ZMAT4: variants seen among roughly 807,000 people sequenced by gnomAD.
The protein encoded by ZMAT4 is zinc finger matrin-type protein 4.
A neutral mutation model predicts 28.7 loss-of-function variants in ZMAT4; 17 were observed. The observed-to-expected ratio is 0.59, with a 90% CI of 0.41 to 0.89. The LOEUF (loss-of-function observed/expected upper bound fraction) is 0.89. ZMAT4 is among the 40% of genes least tolerant of loss of function. The pLI is 0.00. For missense variants in ZMAT4, 240 were observed against 283.8 expected (o/e 0.85, Z 1.11); for synonymous variants, 117 against 109.2 (o/e 1.07, Z -0.44).
chr8:40,664,263 T>C (rs1808313664), intron 5 of ZMAT4, among the ~76,000 whole-genome samples: 1 of 152,166 alleles, frequency 6.6e-6, no homozygotes, highest in Admixed American at 6.5e-5. Context: ...ACAACACCAG[T>C]ACATTCAAAA....
intron 5 of ZMAT4, among the ~76,000 whole-genome samples, chr8:40,641,735 AATTTTTAAGTATACAATACAGT>A (rs937656429): frequency 1.1e-4 from 16 of 152,164 alleles, no homozygotes; most frequent in South Asian, 2.1e-4. Context: ...CTTCTTAGCA[AATTTTTAAGTATACAATACAGT>A]ATTTTTAAGT....
intron 3 of ZMAT4, among the ~76,000 whole-genome samples, chr8:40,709,699 T>C (rs1810517475): frequency 1.3e-5 from 2 of 152,154 alleles, no homozygotes; most frequent in Admixed American, 6.6e-5. Context: ...GAATGTAAGA[T>C]TGATTTTAAT....
intron 1 of ZMAT4, among the ~76,000 whole-genome samples, chr8:40,849,062 A>T (rs1213425770): frequency 6.6e-6 from 1 of 152,196 alleles, no homozygotes; most frequent in African/African-American, 2.4e-5. Context: ...GTGCCGTCCC[A>T]TCCCATGCCA....
chr8:40,836,795 T>C lies in ZMAT4; in HGVS notation c.-4-11115A>G, dbSNP rs1349282092. Reference sequence around the variant, plus strand: ...ACAGAAGGGATGAGAGAGAAACACATGGACAGATGTAAGCGGTTGCCAGAT... The same window carrying C: ...ACAGAAGGGATGAGAGAGAAACACACGGACAGATGTAAGCGGTTGCCAGAT... On this transcript the variant is annotated intron_variant, in intron 1 of 6. Coordinates refer to ENST00000297737, the MANE Select transcript of ZMAT4 (RefSeq NM_024645.3). Among the ~76,000 whole-genome samples, 3 of 152,286 alleles carry C rather than the reference T, an allele frequency of 2.0e-5. No individual in the cohort carries two copies. The East Asian group carries it at 5.8e-4, about 29-fold the overall frequency.
chr8:40,625,751 C>A (rs2722427), intron 5 of ZMAT4, among the ~76,000 whole-genome samples: 76,161 of 151,764 alleles, frequency 0.5, 20,574 homozygotes, highest in Non-Finnish European at 0.61. Flanking sequence ...AGGTGGGTAC[C>A]TCAGTCAAGC....
At chr8:40,663,322 T>C (rs113740611) in intron 5 of ZMAT4, among the ~76,000 whole-genome samples, 2,120 of 152,278 alleles carry the variant, frequency 0.014, 43 homozygotes, top group African/African-American at 0.048. Flanking sequence ...CAAAGCATTG[T>C]GGTTGGAGGG....
chr8:40,577,052 G>C (rs937454410), intron 6 of ZMAT4, among the ~76,000 whole-genome samples: 18 of 152,128 alleles, frequency 1.2e-4, no homozygotes, highest in African/African-American at 4.1e-4. Flanking sequence ...AAATTAGCCA[G>C]GCATTATGGT....
intron 6 of ZMAT4, among the ~76,000 whole-genome samples, chr8:40,567,502 G>A (rs374335329): frequency 7.3e-4 from 111 of 152,026 alleles, no homozygotes; most frequent in South Asian, 2.5e-3. Flanking sequence ...AGGCTCAAGC[G>A]GGCAGGTCAC....
chr8:40,756,036 C>T (rs142267809), intron 3 of ZMAT4, among the ~76,000 whole-genome samples: 110 of 152,116 alleles, frequency 7.2e-4, no homozygotes, highest in African/African-American at 2.5e-3. Flanking sequence ...CTGAAGAGAC[C>T]CAAATGAAGG....
chr8:40,743,087 AG>A (rs1280461155), intron 3 of ZMAT4, among the ~76,000 whole-genome samples: 2 of 152,098 alleles, frequency 1.3e-5, no homozygotes, highest in African/African-American at 4.8e-5. Context: ...GCATGGTGGC[AG>A]GCACCTATAA....
intron 2 of ZMAT4, among the ~76,000 whole-genome samples, chr8:40,816,126 T>G (rs1432306551): frequency 1.3e-5 from 2 of 152,222 alleles, no homozygotes; most frequent in Non-Finnish European, 2.9e-5. Context: ...CAAAGTGACA[T>G]GCCCCAGCCT....
intron 4 of ZMAT4, among the ~76,000 whole-genome samples, chr8:40,679,094 A>C (rs2150477242): frequency 6.6e-6 from 1 of 152,264 alleles, no homozygotes; most frequent in East Asian, 1.9e-4. Flanking sequence ...GGCTTGAGCT[A>C]ATTGAAGCAA....
chr8:40,702,562 G>T (rs1459389463), intron 3 of ZMAT4, among the ~76,000 whole-genome samples: 2 of 152,148 alleles, frequency 1.3e-5, no homozygotes, highest in African/African-American at 4.8e-5. Flanking sequence ...TCACTGACTG[G>T]CTAGAAATTT....
At chr8:40,589,005 G>C (rs545001861) in intron 5 of ZMAT4, among the ~76,000 whole-genome samples, 18 of 152,300 alleles carry the variant, frequency 1.2e-4, no homozygotes, top group South Asian at 2.1e-4. Context: ...TACAAAGGTA[G>C]AAACAATAAG....
At chr8:40,610,789 T>G (rs1159232548) in intron 5 of ZMAT4, among the ~76,000 whole-genome samples, 1 of 151,774 alleles carries the variant, frequency 6.6e-6, no homozygotes, top group Non-Finnish European at 1.5e-5. Context: ...TATCTTTGAT[T>G]CCGATGTGCT....
intron 5 of ZMAT4, among the ~76,000 whole-genome samples, chr8:40,639,625 A>AACAC (rs60100252): frequency 0.25 from 37,856 of 149,780 alleles, 4,835 homozygotes; most frequent in Non-Finnish European, 0.3. Flanking sequence ...AGAAGGCAAG[A>AACAC]ACACACACAC....
At chr8:40,820,158 ATGTGTGTGTGTGTG>A (rs138729547) in intron 2 of ZMAT4, among the ~76,000 whole-genome samples, 21 of 147,350 alleles carry the variant, frequency 1.4e-4, no homozygotes, top group Middle Eastern at 3.5e-3. Flanking sequence ...ATATGCGAAT[ATGTGTGTGTGTGTG>A]TGTGTGTGTG....
rs1241158258 is a variant in ZMAT4 at position 40,820,766 on chromosome 8, T to TAG, written c.102+4808_102+4809insCT. Among the ~76,000 whole-genome samples the TAG allele has an allele frequency of 3.8e-4, 50 of 132,114 alleles. 1 individual carries two copies. Among genetic ancestry groups the TAG allele is most frequent in the Non-Finnish European group, 5.2e-4 (32 of 62,044 alleles). 86.7% of individuals were successfully genotyped at this position (132,114 alleles called of 152,430 possible). On this transcript the variant is annotated intron_variant, in intron 2 of 6. Transcript: ENST00000297737. ...ATGTGTGCATTTGTGCATATGCATG[T>TAG]GTATATGTGTTTATGGGTGTGTCTG...
intron 2 of ZMAT4, among the ~76,000 whole-genome samples, chr8:40,795,933 C>T (rs761736974): frequency 2.2e-4 from 33 of 152,194 alleles, no homozygotes; most frequent in Admixed American, 5.9e-4. Context: ...TATACCATCA[C>T]AGCTTCTTAA....
Sources: allele counts gnomAD v4.1 joint callset (sites outside exome capture counted in the v4.1 genomes callset), GRCh38; gene constraint gnomAD v4.1.1; transcripts MANE v1.5; gene names NCBI Gene and HGNC (gene_info 2026-07-23, HGNC 2026-07-21).